SHISA6: variants seen among roughly 807,000 people sequenced by gnomAD.
SHISA6 encodes the protein protein shisa-6.
SHISA6 carries 22 observed loss-of-function variants against 47.9 expected under a neutral mutation model. That is an observed-to-expected ratio of 0.46 (90% confidence interval 0.33 to 0.66). The LOEUF is 0.66. Among genes scored for constraint, SHISA6 ranks in the 30% least tolerant of loss-of-function variants. The probability of loss-of-function intolerance (pLI) is 0.02; values close to 1 mark genes in which losing one functional copy is unlikely to be tolerated. For synonymous variants in SHISA6, 388 were observed against 337.8 expected (o/e 1.15, Z -1.63); for missense variants, 680 against 764.6 (o/e 0.89, Z 1.30).
At chr17:11,307,281 A>C (rs116367534) in intron 2 of SHISA6, among the ~76,000 whole-genome samples, 1,758 of 152,222 alleles carry the variant, frequency 0.012, 38 homozygotes, top group African/African-American at 0.04. Context: ...TATTGAGATA[A>C]CTGTTGCTTA....
At chr17:11,477,741 AC>A (rs1916090610) in intron 3 of SHISA6, among the ~76,000 whole-genome samples, 1 of 150,414 alleles carries the variant, frequency 6.6e-6, no homozygotes, top group Non-Finnish European at 1.5e-5. Context: ...CCTACAAAGG[AC>A]ATGAACTCAT....
intron 1 of SHISA6, among the ~76,000 whole-genome samples, chr17:11,263,121 G>A (rs1908297578): frequency 6.6e-6 from 1 of 152,170 alleles, no homozygotes. Flanking sequence ...TTACTGATGT[G>A]AAATAAATTA....
chr17:11,451,677 G>GT (rs1383003300), intron 3 of SHISA6, among the ~76,000 whole-genome samples: 19 of 152,270 alleles, frequency 1.2e-4, no homozygotes, highest in African/African-American at 4.3e-4. Flanking sequence ...ATCCCAGGGT[G>GT]GGTATGCTCC....
rs146553273 is a variant in SHISA6, at chr17:11,337,030, C to G, written c.800-42384C>G. Among the ~76,000 whole-genome samples, 234 of 152,286 alleles carry G rather than the reference C, an allele frequency of 1.5e-3. 1 individual carries two copies. The highest frequency in any genetic ancestry group is 5.2e-3 in the African/African-American group (218 of 41,546). ...AGTGGGATGTAGACCCAAATGGACT[C>G]ATTTCCTCTTTCTTCTTTGGCCCCT... On this transcript the variant is annotated intron_variant, in intron 2 of 5. Transcript: ENST00000441885.
intron 2 of SHISA6, among the ~76,000 whole-genome samples, chr17:11,264,550 C>G (rs770593751): frequency 6.6e-6 from 1 of 152,198 alleles, no homozygotes; most frequent in Non-Finnish European, 1.5e-5. Flanking sequence ...TTCCAGATAG[C>G]CTCTTACTGG....
chr17:11,557,474 C>T (rs2071992768), intron 5 of SHISA6, among the ~76,000 whole-genome samples: 2 of 152,294 alleles, frequency 1.3e-5, no homozygotes, highest in South Asian at 4.1e-4. Context: ...AGGCTTTTAG[C>T]ATTACCTGGG....
chr17:11,340,085 C>T (rs949887765), intron 2 of SHISA6, among the ~76,000 whole-genome samples: 1 of 152,128 alleles, frequency 6.6e-6, no homozygotes, highest in Non-Finnish European at 1.5e-5. Flanking sequence ...TGTTATTCCC[C>T]CTACCATTTC....
At chr17:11,284,915 A>G (rs1023212626) in intron 2 of SHISA6, among the ~76,000 whole-genome samples, 4 of 152,074 alleles carry the variant, frequency 2.6e-5, no homozygotes, top group African/African-American at 9.7e-5. Context: ...TCTTCTAACC[A>G]CAGTTGATCT....
chr17:11,298,463 A>T (rs1407388904), intron 2 of SHISA6, among the ~76,000 whole-genome samples: 3 of 152,240 alleles, frequency 2.0e-5, no homozygotes, highest in Non-Finnish European at 4.4e-5. Flanking sequence ...CCAGGTGAGT[A>T]TACCAAAGAG....
chr17:11,250,378 G>A (rs1371857129), intron 1 of SHISA6, among the ~76,000 whole-genome samples: 1 of 152,222 alleles, frequency 6.6e-6, no homozygotes, highest in Non-Finnish European at 1.5e-5. Flanking sequence ...AGCCCAGGAA[G>A]ATAAGGCTGC....
intron 3 of SHISA6, among the ~76,000 whole-genome samples, chr17:11,506,734 G>A (rs1036879348): frequency 1.3e-5 from 2 of 152,188 alleles, no homozygotes; most frequent in Admixed American, 1.3e-4. Context: ...GCATGTAACT[G>A]CTGTGAGCTT....
At chr17:11,503,584 T>G (rs2071473420) in intron 3 of SHISA6, among the ~76,000 whole-genome samples, 1 of 152,232 alleles carries the variant, frequency 6.6e-6, no homozygotes, top group African/African-American at 2.4e-5. Flanking sequence ...TTGTGGTCAT[T>G]GCTGGCTTCT....
intron 2 of SHISA6, among the ~76,000 whole-genome samples, chr17:11,313,497 A>G (rs1049864253): frequency 1.8e-4 from 28 of 152,224 alleles, no homozygotes; most frequent in Non-Finnish European, 2.6e-4. Flanking sequence ...CATGATATCC[A>G]GAAACGAGTA....
chr17:11,325,249 C>T (rs1226157386), intron 2 of SHISA6, among the ~76,000 whole-genome samples: 1 of 152,210 alleles, frequency 6.6e-6, no homozygotes, highest in Non-Finnish European at 1.5e-5. Context: ...GCTGAAGGGG[C>T]AGCAGGGCTT....
In SHISA6 at chr17:11,427,224, C is replaced by T. The variant is rs545091783; in HGVS notation, c.895+47715C>T. On this transcript the variant is annotated intron_variant, in intron 3 of 5. Coordinates refer to ENST00000441885, the MANE Select transcript of SHISA6 (RefSeq NM_207386.4). ...TCTCGGCTCACTACAACCTCTGCCT[C>T]CCAGGTTCAAGCGATTCTCCTGCCT... Among the ~76,000 whole-genome samples, 3 of 152,208 alleles carry T rather than the reference C, an allele frequency of 2.0e-5. No homozygotes were observed. The East Asian group carries it at 5.8e-4, about 29-fold the overall frequency.
At chr17:11,402,592 G>T (rs7208960) in intron 3 of SHISA6, among the ~76,000 whole-genome samples, 2 of 152,132 alleles carry the variant, frequency 1.3e-5, no homozygotes, top group African/African-American at 2.4e-5. Context: ...TGTGGCAGAG[G>T]ATGAGGATTA....
chr17:11,276,841 T>C (rs1312208961), intron 2 of SHISA6, among the ~76,000 whole-genome samples: 5 of 152,342 alleles, frequency 3.3e-5, no homozygotes, highest in African/African-American at 1.2e-4. Context: ...ACGACTTCAA[T>C]AGGTATCTTC....
At chr17:11,342,991 C>G (rs1380518223) in intron 2 of SHISA6, among the ~76,000 whole-genome samples, 1 of 152,192 alleles carries the variant, frequency 6.6e-6, no homozygotes, top group Non-Finnish European at 1.5e-5. Context: ...CATACCCACA[C>G]CCACCAGTGC....
intron 3 of SHISA6, among the ~76,000 whole-genome samples, chr17:11,450,128 A>T (rs977815933): frequency 6.6e-6 from 1 of 151,640 alleles, no homozygotes; most frequent in Non-Finnish European, 1.5e-5. Flanking sequence ...CTCGTGATCC[A>T]CCCGCCTCGG....
Sources: allele counts gnomAD v4.1 joint callset (sites outside exome capture counted in the v4.1 genomes callset), GRCh38; gene constraint gnomAD v4.1.1; transcripts MANE v1.5; gene names NCBI Gene and HGNC (gene_info 2026-07-23, HGNC 2026-07-21).